The following DOCK3 variants were observed in gnomAD, a reference collection of about 807,000 sequenced individuals.
DOCK3 encodes the protein dedicator of cytokinesis 3.
In DOCK3, 60 loss-of-function variants were observed where a neutral mutation model predicts 265.6. The ratio of observed to expected loss-of-function variants is 0.23; its 90% CI spans 0.18 to 0.28. DOCK3 has a LOEUF of 0.28. Ranked by LOEUF, DOCK3 falls within the 10% of genes least tolerant of loss-of-function variation. DOCK3 has a pLI of 1.00. For synonymous variants in DOCK3, 881 were observed against 938.0 expected (o/e 0.94, Z 1.11); for missense variants, 1,981 against 2,594.3 (o/e 0.76, Z 5.14).
At chr3:51,272,580 C>T (rs990368512) in intron 24 of DOCK3, among the ~76,000 whole-genome samples, 1 of 151,796 alleles carries the variant, frequency 6.6e-6, no homozygotes, top group Non-Finnish European at 1.5e-5. Context: ...AGACACCGCG[C>T]CCGGCCAGGT....
chr3:51,228,069 A>G lies in DOCK3; in HGVS notation c.1628A>G (p.His543Arg). The stretch of plus-strand genomic sequence containing the variant: ...GGCACCACCCTCTCAGATGATATTC[A>G]CGAGCTTTATGTGTACAAGGTATGA... ...DDGTTLSDDI[H>R]ELYVYKCDEN... The change falls in exon 17 of 53, where the codon CAC (histidine) becomes CGC (arginine). Residue 543 changes from histidine (H) to arginine (R), a missense_variant. His to Arg is a conservative substitution (Grantham distance 29). Around this residue, in one of 4 missense-constraint regions of DOCK3, gnomAD observed 1,357 missense variants for 1,866.8 expected, o/e 0.73. Transcript: ENST00000266037. 6.2e-7 allele frequency: 1 copy of G among 1,614,002 alleles called. No homozygotes were observed. The highest frequency in any genetic ancestry group is 2.2e-5 in the East Asian group (1 of 44,882).
chr3:51,042,770 A>G (rs372234413), intron 5 of DOCK3, among the ~76,000 whole-genome samples: 38 of 152,336 alleles, frequency 2.5e-4, no homozygotes, highest in African/African-American at 8.9e-4. Context: ...TCAATGTGCA[A>G]TAATTGCTAG....
chr3:50,726,395 A>G (rs181111330), intron 1 of DOCK3, among the ~76,000 whole-genome samples: 4 of 152,308 alleles, frequency 2.6e-5, no homozygotes, highest in African/African-American at 9.6e-5. Flanking sequence ...TGTAAAGTGT[A>G]TATTGGAGAA....
intron 2 of DOCK3, among the ~76,000 whole-genome samples, chr3:50,779,795 C>T (rs2041822908): frequency 6.6e-6 from 1 of 152,160 alleles, no homozygotes; most frequent in South Asian, 2.1e-4. Flanking sequence ...TCTTCAGAAT[C>T]TGTAATTAAT....
chr3:50,851,146 C>T (rs778590630), intron 3 of DOCK3, among the ~76,000 whole-genome samples: 5 of 152,158 alleles, frequency 3.3e-5, no homozygotes, highest in Non-Finnish European at 7.3e-5. Context: ...AAATTCTCTG[C>T]ACATGAATGG....
At chr3:50,846,688 A>T (rs1026587785) in intron 3 of DOCK3, among the ~76,000 whole-genome samples, 1 of 152,030 alleles carries the variant, frequency 6.6e-6, no homozygotes, top group Non-Finnish European at 1.5e-5. Context: ...TTTGAACTTG[A>T]TATTGGTCTG....
At chr3:51,266,529 T>C (rs1052264752) in intron 23 of DOCK3, among the ~76,000 whole-genome samples, 3 of 152,032 alleles carry the variant, frequency 2.0e-5, no homozygotes, top group Non-Finnish European at 4.4e-5. Flanking sequence ...ACACCACACA[T>C]CTACAATCAT....
chr3:50,989,455 G>A (rs551635846), intron 5 of DOCK3, among the ~76,000 whole-genome samples: 1 of 152,238 alleles, frequency 6.6e-6, no homozygotes, highest in East Asian at 1.9e-4. Flanking sequence ...AAACACAGGG[G>A]AGCCACACAA....
intron 1 of DOCK3, among the ~76,000 whole-genome samples, chr3:50,758,200 A>AAAAAAAAAAAAAT (rs2040303796): frequency 1.6e-5 from 2 of 123,672 alleles, no homozygotes; most frequent in African/African-American, 2.7e-5. Context: ...AAAAAAAGAA[A>AAAAAAAAAAAAAT]AAAAAAAAGA....
chr3:50,957,033 G>A (rs1162499322), intron 5 of DOCK3, among the ~76,000 whole-genome samples: 1 of 152,092 alleles, frequency 6.6e-6, no homozygotes, highest in Admixed American at 6.5e-5. Flanking sequence ...CCAAAGTGCT[G>A]GGATTACAGG....
At position 50,914,619 on chromosome 3, in the gene DOCK3, A is replaced by G. The variant is rs184652100; in HGVS notation, c.219-19362A>G. ...TGTGTTGTGGCCTAACATACAGTCT[A>G]TTCTGGAGAATGTTTCATGTGCTGA... On this transcript the variant is annotated intron_variant, in intron 4 of 52. Coordinates refer to ENST00000266037, the MANE Select transcript of DOCK3 (RefSeq NM_004947.5). Among the ~76,000 whole-genome samples, 60 of 152,266 alleles carry G rather than the reference A, an allele frequency of 3.9e-4. 1 individual carries two copies. The highest frequency in any genetic ancestry group is 1.3e-3 in the African/African-American group (53 of 41,504).
chr3:51,020,498 C>T (rs2079536772), intron 5 of DOCK3, among the ~76,000 whole-genome samples: 1 of 151,738 alleles, frequency 6.6e-6, no homozygotes, highest in Non-Finnish European at 1.5e-5. Flanking sequence ...TCAATTTTTG[C>T]TTTTTTTGCA....
intron 2 of DOCK3, among the ~76,000 whole-genome samples, chr3:50,819,790 C>A (rs1372011917): frequency 6.6e-6 from 1 of 152,038 alleles, no homozygotes; most frequent in Non-Finnish European, 1.5e-5. Flanking sequence ...GGCGAAACCC[C>A]GTCTCTACTA....
At chr3:51,118,442 G>T (rs1414004404) in intron 9 of DOCK3, among the ~76,000 whole-genome samples, 2 of 152,186 alleles carry the variant, frequency 1.3e-5, no homozygotes, top group African/African-American at 4.8e-5. Flanking sequence ...CTGTTGATTT[G>T]GGGTAGAGAG....
At chr3:51,094,375 ACTT>A (rs2082745743) in intron 9 of DOCK3, among the ~76,000 whole-genome samples, 1 of 151,506 alleles carries the variant, frequency 6.6e-6, no homozygotes, top group Non-Finnish European at 1.5e-5. Flanking sequence ...TAGGGATTCG[ACTT>A]CTTCTGGGTT....
At chr3:51,000,279 A>C (rs2078430314) in intron 5 of DOCK3, among the ~76,000 whole-genome samples, 1 of 152,198 alleles carries the variant, frequency 6.6e-6, no homozygotes, top group Admixed American at 6.5e-5. Flanking sequence ...GCCTATGTCC[A>C]AATTAGGCAA....
At chr3:51,034,471 C>G (rs1330960523) in intron 5 of DOCK3, among the ~76,000 whole-genome samples, 1 of 151,904 alleles carries the variant, frequency 6.6e-6, no homozygotes, top group Non-Finnish European at 1.5e-5. Flanking sequence ...TAGTATTGTT[C>G]CACTTCACAT....
intron 1 of DOCK3, among the ~76,000 whole-genome samples, chr3:50,765,870 A>G (rs1196109601): frequency 6.6e-6 from 1 of 152,104 alleles, no homozygotes; most frequent in African/African-American, 2.4e-5. Context: ...TATTCCTCCT[A>G]TCTAACTGCA....
intron 9 of DOCK3, among the ~76,000 whole-genome samples, chr3:51,124,595 A>T (rs981075483): frequency 3.3e-5 from 5 of 152,158 alleles, no homozygotes; most frequent in African/African-American, 1.2e-4. Flanking sequence ...AAATTAAGAG[A>T]GTTCTTTGAA....
Sources: gnomAD v4.1 joint callset for allele counts (sites outside exome capture counted in the v4.1 genomes callset) on GRCh38, gnomAD v4.1.1 for gene constraint, gnomAD v4.1.1 regional missense constraint, MANE v1.5 for transcripts, NCBI Gene and HGNC (gene_info 2026-07-23, HGNC 2026-07-21) for gene names.